The following SGMS1 variants were observed in gnomAD, a reference collection of about 807,000 sequenced individuals.
The protein encoded by SGMS1 is phosphatidylcholine:ceramide cholinephosphotransferase 1.
A neutral mutation model predicts 46.2 loss-of-function variants in SGMS1; 13 were observed. The observed-to-expected ratio is 0.28, with a 90% CI of 0.18 to 0.45. The LOEUF is 0.45. SGMS1 is among the 20% of genes least tolerant of loss of function. SGMS1 has a pLI of 1.00. For synonymous variants in SGMS1, 203 were observed against 187.8 expected, an observed-to-expected ratio of 1.08 and a Z score of -0.66; for missense variants, 324 against 519.9, an observed-to-expected ratio of 0.62 and a Z score of 3.66.
chr10:50,462,065 T>C (rs1005295516), intron 4 of SGMS1, among the ~76,000 whole-genome samples: 2 of 151,748 alleles, frequency 1.3e-5, no homozygotes, highest in Non-Finnish European at 2.9e-5. Context: ...ATTGCAGCAC[T>C]AGCCTAGGCA....
intron 6 of SGMS1, among the ~76,000 whole-genome samples, chr10:50,402,613 T>G (rs1428219738): frequency 1.3e-5 from 2 of 152,200 alleles, no homozygotes; most frequent in Non-Finnish European, 2.9e-5. Context: ...TTAAAAACCT[T>G]CTCTGGAGAT....
intron 2 of SGMS1, among the ~76,000 whole-genome samples, chr10:50,582,099 C>A (rs770154987): frequency 1.2e-4 from 18 of 152,182 alleles, no homozygotes; most frequent in Admixed American, 3.3e-4. Flanking sequence ...CTCAAAAGCA[C>A]GGCAGAGAGC....
intron 8 of SGMS1, among the ~76,000 whole-genome samples, chr10:50,321,749 T>C (rs1847449398): frequency 6.6e-6 from 1 of 152,162 alleles, no homozygotes; most frequent in Non-Finnish European, 1.5e-5. Flanking sequence ...AATCAGAATA[T>C]CAAACTTTGT....
At chr10:50,495,474 G>A (rs17518471) in intron 3 of SGMS1, among the ~76,000 whole-genome samples, 26,074 of 151,952 alleles carry the variant, frequency 0.17, 2,571 homozygotes, top group Admixed American at 0.22. Context: ...TAAAAAGACT[G>A]GTCATTCATA....
chr10:50,494,541 CCA>C (rs1317798547), intron 3 of SGMS1, among the ~76,000 whole-genome samples: 1 of 152,106 alleles, frequency 6.6e-6, no homozygotes, highest in African/African-American at 2.4e-5. Context: ...AAACAAAATA[CCA>C]CATGTTCTCA....
intron 6 of SGMS1, among the ~76,000 whole-genome samples, chr10:50,350,606 C>T (rs893537860): frequency 6.6e-6 from 1 of 152,136 alleles, no homozygotes. Flanking sequence ...ACTTGGTGCC[C>T]TGTGTCCCAG....
At chr10:50,355,294 C>T (rs1000376092) in intron 6 of SGMS1, among the ~76,000 whole-genome samples, 1 of 152,110 alleles carries the variant, frequency 6.6e-6, no homozygotes, top group African/African-American at 2.4e-5. Context: ...TCTTCCCTCT[C>T]CCTCTTTGCA....
chr10:50,467,580 T>A (rs914271195), intron 3 of SGMS1, among the ~76,000 whole-genome samples: 8 of 152,202 alleles, frequency 5.3e-5, no homozygotes, highest in Non-Finnish European at 8.8e-5. Flanking sequence ...GCCTATTTTT[T>A]AAAAAATTAG....
intron 3 of SGMS1, among the ~76,000 whole-genome samples, chr10:50,506,344 C>T (rs972098046): frequency 6.6e-6 from 1 of 152,060 alleles, no homozygotes; most frequent in African/African-American, 2.4e-5. Context: ...GAAAAATAGC[C>T]GAGTTCAATA....
intron 6 of SGMS1, among the ~76,000 whole-genome samples, chr10:50,414,181 CT>C (rs1472100185): frequency 6.6e-6 from 1 of 152,166 alleles, no homozygotes; most frequent in Non-Finnish European, 1.5e-5. Context: ...AGAAGCATTG[CT>C]TGAGTCCACA....
chr10:50,604,495 C>T (rs1401280319), intron 1 of SGMS1, among the ~76,000 whole-genome samples: 1 of 152,228 alleles, frequency 6.6e-6, no homozygotes, highest in Non-Finnish European at 1.5e-5. Context: ...GGTTAGCTCA[C>T]TGCACTTGAA....
chr10:50,344,258 G>T lies in SGMS1; in HGVS notation c.-144C>A. On this transcript the variant is annotated 5_prime_UTR_variant, in exon 7 of 11. Coordinates refer to ENST00000361781, the MANE Select transcript of SGMS1 (RefSeq NM_147156.4). ...GAGACTTGTTTGGCAAGATGGTCAG[G>T]GCAGTTTTTAAACACCTCATGTAGC... 8.6e-7 allele frequency: 1 copy of T among 1,160,954 alleles called. No homozygotes were observed. Among genetic ancestry groups the T allele is most frequent in the Non-Finnish European group, 1.2e-6 (1 of 847,014 alleles). 71.9% of individuals were successfully genotyped at this position (1,160,954 alleles called of 1,614,324 possible).
At chr10:50,613,902 T>G (rs1838772904) in intron 1 of SGMS1, among the ~76,000 whole-genome samples, 1 of 152,240 alleles carries the variant, frequency 6.6e-6, no homozygotes, top group Non-Finnish European at 1.5e-5. Flanking sequence ...CTAAGCTTGG[T>G]ACACATTGTA....
intron 5 of SGMS1, among the ~76,000 whole-genome samples, chr10:50,446,695 G>GCAAAATCTACTGATAGAAT (rs1209641136): frequency 6.6e-6 from 1 of 152,186 alleles, no homozygotes; most frequent in Non-Finnish European, 1.5e-5. Context: ...TCTGAAAGAG[G>GCAAAATCTACTGATAGAAT]CAAAATCTAC....
chr10:50,417,639 A>G (rs1849192121), intron 6 of SGMS1, among the ~76,000 whole-genome samples: 1 of 152,176 alleles, frequency 6.6e-6, no homozygotes, highest in Non-Finnish European at 1.5e-5. Flanking sequence ...AGGAGTTGCC[A>G]AAAGGGCTGT....
At chr10:50,314,853 C>G (rs1462976997) in intron 8 of SGMS1, among the ~76,000 whole-genome samples, 2 of 152,202 alleles carry the variant, frequency 1.3e-5, no homozygotes, top group African/African-American at 4.8e-5. Context: ...CCTAGGAGTT[C>G]AAGGCTACAG....
At chr10:50,449,658 T>TGC (rs1286208689) in intron 5 of SGMS1, among the ~76,000 whole-genome samples, 1 of 151,988 alleles carries the variant, frequency 6.6e-6, no homozygotes, top group Non-Finnish European at 1.5e-5. Context: ...TGTGTGTGTG[T>TGC]GTGTGTACAC....
chr10:50,408,445 AAAAAAAAAAAC>A (rs1339117653), intron 6 of SGMS1, among the ~76,000 whole-genome samples: 5 of 146,874 alleles, frequency 3.4e-5, no homozygotes, highest in African/African-American at 1.3e-4. Context: ...AAAAAAAAAA[AAAAAAAAAAAC>A]AAAATAAAAA....
intron 6 of SGMS1, among the ~76,000 whole-genome samples, chr10:50,404,807 T>C (rs1286124362): frequency 6.6e-6 from 1 of 152,146 alleles, no homozygotes; most frequent in Non-Finnish European, 1.5e-5. Context: ...CAATGGCAAC[T>C]ATTAAAACAT....
Sources: gnomAD v4.1 joint callset for allele counts (sites outside exome capture counted in the v4.1 genomes callset) on GRCh38, gnomAD v4.1.1 for gene constraint, MANE v1.5 for transcripts, NCBI Gene and HGNC (gene_info 2026-07-23, HGNC 2026-07-21) for gene names.